The following STK32B variants were observed in gnomAD, a reference collection of about 807,000 sequenced individuals.
STK32B encodes the protein serine/threonine kinase 32B.
In STK32B, 43 loss-of-function variants were observed where a neutral mutation model predicts 52.6. The ratio of observed to expected loss-of-function variants is 0.82; its 90% confidence interval spans 0.64 to 1.05. The LOEUF (loss-of-function observed/expected upper bound fraction) is 1.05, where lower values mean the gene tolerates loss of function less well. Ranked by LOEUF, STK32B falls within the 50% of genes least tolerant of loss-of-function variation. The probability of loss-of-function intolerance (pLI) is 0.00; values close to 1 mark genes in which losing one functional copy is unlikely to be tolerated. For synonymous variants in STK32B, 238 were observed against 204.3 expected, an observed-to-expected ratio of 1.17 and a Z score of -1.41; for missense variants, 621 against 534.6, an observed-to-expected ratio of 1.16 and a Z score of -1.59.
chr4:5,196,723 A>AAGAAT (rs1721707204), intron 3 of STK32B, among the ~76,000 whole-genome samples: 2 of 145,422 alleles, frequency 1.4e-5, no homozygotes, highest in South Asian at 4.4e-4. Flanking sequence ...TCTGTCTCAA[A>AAGAAT]AAAATAAAAT....
intron 11 of STK32B, among the ~76,000 whole-genome samples, chr4:5,492,971 G>C (rs1472832605): frequency 6.6e-6 from 1 of 150,986 alleles, no homozygotes; most frequent in African/African-American, 2.5e-5. Context: ...TGCTGGATTC[G>C]GTTTGCCAGT....
Position 5,139,967 on chromosome 4 carries a change from A to G in STK32B, c.108+7A>G. 6.2e-7 allele frequency: 1 copy of G among 1,614,214 alleles called. No individual in the cohort carries two copies. The highest frequency in any genetic ancestry group is 8.5e-7 in the Non-Finnish European group (1 of 1,180,032). ...TAAAGGGAGTTTTGGAAAGGTAAGA[A>G]TATAAATGTCTGGACCACTGGGCTT... On this transcript the variant is annotated splice_region_variant and intron_variant, in intron 2 of 11. Coordinates refer to ENST00000282908, the MANE Select transcript of STK32B (RefSeq NM_018401.3).
chr4:5,164,874 C>T (rs1718749042), intron 2 of STK32B, among the ~76,000 whole-genome samples: 1 of 152,172 alleles, frequency 6.6e-6, no homozygotes, highest in Non-Finnish European at 1.5e-5. Flanking sequence ...TAGCTTAGCT[C>T]TTTGTTTTTT....
At chr4:5,409,484 A>G (rs1366477000) in intron 5 of STK32B, among the ~76,000 whole-genome samples, 1 of 152,210 alleles carries the variant, frequency 6.6e-6, no homozygotes, top group Non-Finnish European at 1.5e-5. Context: ...CTGCAGCACT[A>G]ATGAACGTCA....
At chr4:5,119,619 C>T (rs987041553) in intron 1 of STK32B, among the ~76,000 whole-genome samples, 15 of 152,204 alleles carry the variant, frequency 9.9e-5, no homozygotes, top group African/African-American at 2.9e-4. Context: ...CCTGAGCATA[C>T]GCTCAGCAAT....
rs778837190 is a variant in STK32B at position 5,399,004 on chromosome 4, G to A, written c.472+760G>A. ...CCTGCTTCAGCAAGCCTGGGCTCCT[G>A]TGTTCTGGATCCTGTGTCCTGTGTT... On this transcript the variant is annotated intron_variant, in intron 5 of 11. Transcript: ENST00000282908. The surrounding 1 kb of genome is among the most constrained non-coding windows in gnomAD (Gnocchi z 5.4). Among the ~76,000 whole-genome samples the A allele has an allele frequency of 1.3e-5, 2 of 152,168 alleles. No individual in the cohort carries two copies. The highest frequency in any genetic ancestry group is 1.3e-4 in the Admixed American group (2 of 15,290).
chr4:5,419,507 T>G (rs1255940638), intron 6 of STK32B, among the ~76,000 whole-genome samples: 1 of 152,238 alleles, frequency 6.6e-6, no homozygotes, highest in African/African-American at 2.4e-5. Flanking sequence ...TACTAGACTG[T>G]ACAAACTCCT....
At position 5,446,564 on chromosome 4, in the gene STK32B, A is replaced by ATC. The variant is rs1715442799; in HGVS notation, c.563-109_563-108insTC. ...AGAGCAAAACTCTATCTCAAAAAAA[A>ATC]ACAAAAAAAAAAAAAACAAGCTCAA... On this transcript the variant is annotated intron_variant, in intron 6 of 11. Coordinates refer to ENST00000282908, the MANE Select transcript of STK32B (RefSeq NM_018401.3). 6.1e-5 allele frequency: 60 copies of ATC among 985,784 alleles called. No homozygotes were observed. The African/African-American group carries it at 9.2e-4, about 15-fold the overall frequency. 61.1% of individuals were successfully genotyped at this position (985,784 alleles called of 1,614,324 possible). A position where few individuals can be genotyped will look rare whatever the true frequency, so the allele number is the denominator to read the frequency against.
At chr4:5,091,956 C>T (rs1713101236) in intron 1 of STK32B, among the ~76,000 whole-genome samples, 2 of 152,104 alleles carry the variant, frequency 1.3e-5, no homozygotes, top group Admixed American at 1.3e-4. Flanking sequence ...CAGAAAAGGT[C>T]ACATATTGTA....
intron 3 of STK32B, among the ~76,000 whole-genome samples, chr4:5,223,556 G>A (rs1274052435): frequency 1.3e-5 from 2 of 152,172 alleles, no homozygotes; most frequent in Non-Finnish European, 2.9e-5. Context: ...GCTCACACCT[G>A]TAATCCCAGC....
intron 7 of STK32B, among the ~76,000 whole-genome samples, chr4:5,449,728 T>C (rs1175548075): frequency 6.6e-6 from 1 of 152,120 alleles, no homozygotes; most frequent in Admixed American, 6.5e-5. Context: ...TCCTGTCAGG[T>C]CAGCAGTAGC....
chr4:5,055,091 C>CT (rs34696225), intron 1 of STK32B, among the ~76,000 whole-genome samples: 40,528 of 151,602 alleles, frequency 0.27, 5,721 homozygotes, highest in East Asian at 0.5. Flanking sequence ...ACATTAAGTG[C>CT]TTTTTTGTTC....
chr4:5,123,867 A>G (rs1206826587), intron 1 of STK32B, among the ~76,000 whole-genome samples: 1 of 151,862 alleles, frequency 6.6e-6, no homozygotes, highest in African/African-American at 2.4e-5. Context: ...CACCACCATC[A>G]TCAATCTCCT....
chr4:5,156,640 G>A (rs926218600), intron 2 of STK32B, among the ~76,000 whole-genome samples: 10 of 152,198 alleles, frequency 6.6e-5, no homozygotes, highest in Non-Finnish European at 8.8e-5. Flanking sequence ...AGTGAGCTTC[G>A]AAAGTGTCTT....
intron 3 of STK32B, among the ~76,000 whole-genome samples, chr4:5,254,470 A>AC (rs1200479608): frequency 6.6e-6 from 1 of 152,122 alleles, no homozygotes; most frequent in Non-Finnish European, 1.5e-5. Flanking sequence ...ATACTTACAT[A>AC]CATACATTGT....
intron 3 of STK32B, among the ~76,000 whole-genome samples, chr4:5,328,437 A>T (rs573978320): frequency 6.6e-6 from 1 of 152,174 alleles, no homozygotes; most frequent in African/African-American, 2.4e-5. Flanking sequence ...GCCTTTGTAG[A>T]GTTATTAACT....
intron 11 of STK32B, among the ~76,000 whole-genome samples, chr4:5,475,361 G>T (rs113712568): frequency 6.9e-6 from 1 of 144,500 alleles, no homozygotes; most frequent in Admixed American, 7.1e-5. Context: ...AGAGGCGGAG[G>T]TTGCAGTGAG....
At chr4:5,129,281 CT>C (rs1444715461) in intron 1 of STK32B, among the ~76,000 whole-genome samples, 1 of 152,150 alleles carries the variant, frequency 6.6e-6, no homozygotes, top group African/African-American at 2.4e-5. Context: ...GCCCTGCTCA[CT>C]GAATAACTCT....
At chr4:5,274,982 G>A (rs1329218023) in intron 3 of STK32B, among the ~76,000 whole-genome samples, 6 of 152,178 alleles carry the variant, frequency 3.9e-5, no homozygotes, top group African/African-American at 1.4e-4. Context: ...CTGAACACTA[G>A]TCACTGGGTT....
Sources: gnomAD v4.1 joint callset for allele counts (sites outside exome capture counted in the v4.1 genomes callset) on GRCh38, gnomAD v4.1.1 for gene constraint, Gnocchi (gnomAD v3.1) non-coding constraint, MANE v1.5 for transcripts, NCBI Gene and HGNC (gene_info 2026-07-23, HGNC 2026-07-21) for gene names.